GALNTL6: variants seen among roughly 807,000 people sequenced by gnomAD.
The protein encoded by GALNTL6 is polypeptide N-acetylgalactosaminyltransferase-like 6.
A neutral mutation model predicts 73.7 loss-of-function variants in GALNTL6; 46 were observed. That is an observed-to-expected ratio of 0.62 (90% CI 0.49 to 0.80). GALNTL6 has a LOEUF of 0.80. Among genes scored for constraint, GALNTL6 ranks in the 30% least tolerant of loss-of-function variants. The pLI, the probability that GALNTL6 is intolerant of heterozygous loss-of-function variation, is 0.00. For synonymous variants in GALNTL6, 259 were observed against 263.7 expected, an observed-to-expected ratio of 0.98 and a Z score of 0.17; for missense variants, 604 against 755.0, an observed-to-expected ratio of 0.80 and a Z score of 2.34.
chr4:172,020,861 T>A (rs1462286783), intron 2 of GALNTL6, among the ~76,000 whole-genome samples: 2 of 152,032 alleles, frequency 1.3e-5, no homozygotes, highest in East Asian at 3.9e-4. Context: ...AAAAGAAAAC[T>A]ATAGGCCAAC....
At chr4:172,576,946 G>A (rs773432101) in intron 5 of GALNTL6, among the ~76,000 whole-genome samples, 44 of 152,124 alleles carry the variant, frequency 2.9e-4, no homozygotes, top group Non-Finnish European at 1.2e-4. Flanking sequence ...GGATTTGAGA[G>A]CGTACCTTGA....
At chr4:172,257,792 G>A (rs1163378439) in intron 3 of GALNTL6, among the ~76,000 whole-genome samples, 1 of 151,244 alleles carries the variant, frequency 6.6e-6, no homozygotes, top group Non-Finnish European at 1.5e-5. Flanking sequence ...TTCCCTTTTA[G>A]AATATTGCTA....
chr4:172,640,331 C>A (rs1739914524), intron 5 of GALNTL6, among the ~76,000 whole-genome samples: 1 of 152,076 alleles, frequency 6.6e-6, no homozygotes, highest in South Asian at 2.1e-4. Flanking sequence ...TGCCTCCATA[C>A]CTTTTACTCA....
At chr4:172,936,352 C>T (rs1169177025) in intron 9 of GALNTL6, among the ~76,000 whole-genome samples, 3 of 152,128 alleles carry the variant, frequency 2.0e-5, no homozygotes, top group Non-Finnish European at 4.4e-5. Context: ...TGGAAGCATT[C>T]CCTTTGAAAA....
chr4:172,837,600 A>G (rs976843325), intron 7 of GALNTL6, among the ~76,000 whole-genome samples: 2 of 152,216 alleles, frequency 1.3e-5, no homozygotes, highest in African/African-American at 4.8e-5. Context: ...GAAGAGAATA[A>G]GAGGGGAGAA....
At chr4:172,352,450 G>C (rs1741974236) in intron 5 of GALNTL6, among the ~76,000 whole-genome samples, 2 of 152,116 alleles carry the variant, frequency 1.3e-5, no homozygotes, top group South Asian at 4.1e-4. Context: ...TTTCCAGTAA[G>C]CTCTGAGAAA....
At chr4:173,003,825 C>T (rs1272116591) in intron 10 of GALNTL6, among the ~76,000 whole-genome samples, 1 of 152,190 alleles carries the variant, frequency 6.6e-6, no homozygotes, top group Non-Finnish European at 1.5e-5. Context: ...TGTCATCCAT[C>T]CTACCAAGTG....
intron 3 of GALNTL6, among the ~76,000 whole-genome samples, chr4:172,260,676 T>C (rs1738227559): frequency 6.6e-6 from 1 of 151,674 alleles, no homozygotes; most frequent in Admixed American, 6.6e-5. Context: ...ATCCTTGTCT[T>C]GTTCCAGTTC....
At chr4:172,461,948 A>G (rs776167296) in intron 5 of GALNTL6, among the ~76,000 whole-genome samples, 2 of 152,172 alleles carry the variant, frequency 1.3e-5, no homozygotes, top group Non-Finnish European at 2.9e-5. Flanking sequence ...ACCCTGCCCA[A>G]TGTGACTGGG....
chr4:172,809,573 C>T lies in GALNTL6; in HGVS notation c.739+27C>T, dbSNP rs761068843. The T allele has an allele frequency of 1.9e-6, 3 of 1,569,806 alleles. No homozygotes were observed. The highest frequency in any genetic ancestry group is 8.7e-7 in the Non-Finnish European group (1 of 1,153,928). ...TGAGTACAGGTTGCTAAGCACCATCCTGGGATGCCTCAGGGGAACTGAGCG... is the reference window on the plus strand; with the variant it reads ...TGAGTACAGGTTGCTAAGCACCATCTTGGGATGCCTCAGGGGAACTGAGCG... On this transcript the variant is annotated intron_variant, in intron 6 of 12. Coordinates refer to ENST00000506823, the MANE Select transcript of GALNTL6 (RefSeq NM_001034845.3). This position sits in a 1 kb window ranked among gnomAD's most constrained non-coding sequence, Gnocchi z 4.4.
chr4:172,937,734 C>T (rs1051912802), intron 9 of GALNTL6, among the ~76,000 whole-genome samples: 14 of 152,178 alleles, frequency 9.2e-5, no homozygotes, highest in African/African-American at 3.4e-4. Context: ...CAGTAATCCA[C>T]GTATTCCAAT....
At chr4:172,024,129 T>C (rs2110806736) in intron 2 of GALNTL6, among the ~76,000 whole-genome samples, 1 of 151,874 alleles carries the variant, frequency 6.6e-6, no homozygotes, top group East Asian at 1.9e-4. Flanking sequence ...CATGAATTCT[T>C]CTTTATTCCA....
rs115981021 is a variant in GALNTL6, at chr4:172,114,786, G to A, written c.139-114870G>A. 6.3e-3 allele frequency among the ~76,000 whole-genome samples: 956 copies of A among 152,148 alleles called. 12 individuals carry two copies. The highest frequency in any genetic ancestry group is 0.021 in the African/African-American group (882 of 41,534). ...TATGATTCTTTTTATTATACAACGA[G>A]TATAAAACTGAGGTGTTACATGAGA... On this transcript the variant is annotated intron_variant, in intron 2 of 12. Coordinates refer to ENST00000506823, the MANE Select transcript of GALNTL6 (RefSeq NM_001034845.3).
intron 5 of GALNTL6, among the ~76,000 whole-genome samples, chr4:172,743,249 G>A (rs1359108297): frequency 6.6e-6 from 1 of 152,014 alleles, no homozygotes; most frequent in Non-Finnish European, 1.5e-5. Context: ...TAAAAGAGTA[G>A]CTTACACCAC....
chr4:172,392,789 G>T (rs188567964), intron 5 of GALNTL6, among the ~76,000 whole-genome samples: 1 of 152,170 alleles, frequency 6.6e-6, no homozygotes, highest in African/African-American at 2.4e-5. Context: ...TTTGAGAAGG[G>T]AAGCAAGTTC....
chr4:172,280,687 C>T (rs1396173541), intron 3 of GALNTL6, among the ~76,000 whole-genome samples: 1 of 151,912 alleles, frequency 6.6e-6, no homozygotes, highest in African/African-American at 2.4e-5. Flanking sequence ...ATTAAAGTAA[C>T]AATTAATATA....
intron 2 of GALNTL6, among the ~76,000 whole-genome samples, chr4:172,158,770 G>A (rs1425443003): frequency 1.3e-5 from 2 of 152,140 alleles, no homozygotes; most frequent in Non-Finnish European, 2.9e-5. Flanking sequence ...ACTATTTTAT[G>A]AGCAATTTTT....
chr4:171,849,791 A>G (rs1048095720), intron 2 of GALNTL6, among the ~76,000 whole-genome samples: 1 of 152,212 alleles, frequency 6.6e-6, no homozygotes, highest in African/African-American at 2.4e-5. Flanking sequence ...GGCAAAGACC[A>G]GAAAAGGCAC....
intron 5 of GALNTL6, among the ~76,000 whole-genome samples, chr4:172,552,848 A>AAAAAAC (rs1487540763): frequency 1.3e-5 from 2 of 150,352 alleles, no homozygotes; most frequent in Non-Finnish European, 3.0e-5. Flanking sequence ...AAAAAAAAAA[A>AAAAAAC]AAAAAAAAAG....
Sources: gnomAD v4.1 joint callset for allele counts (sites outside exome capture counted in the v4.1 genomes callset) on GRCh38, gnomAD v4.1.1 for gene constraint, Gnocchi (gnomAD v3.1) non-coding constraint, MANE v1.5 for transcripts, NCBI Gene and HGNC (gene_info 2026-07-23, HGNC 2026-07-21) for gene names.